Variants in FASLG observed in about 807,000 individuals in gnomAD.
FASLG encodes the protein tumor necrosis factor ligand superfamily member 6.
In FASLG, 9 loss-of-function variants were observed where a neutral mutation model predicts 24.6. The ratio of observed to expected loss-of-function variants is 0.37; its 90% confidence interval spans 0.22 to 0.64. The LOEUF is 0.64. FASLG is among the 30% of genes least tolerant of loss of function. The pLI is 0.64. For synonymous variants in FASLG, 130 were observed against 135.5 expected (o/e 0.96, Z 0.28); for missense variants, 306 against 345.3 (o/e 0.89, Z 0.90).
intron 2 of FASLG, among the ~76,000 whole-genome samples, 171 bp downstream of exon 2, chr1:172,660,311 T>A (rs1659110758): frequency 6.6e-6 from 1 of 152,248 alleles, no homozygotes; most frequent in Admixed American, 6.5e-5. Context: ...GCTTTAAAAA[T>A]GTGAAGTGAA....
At chr1:172,664,261 G>T in intron 2 of FASLG, 73 bp from the exon 3 acceptor site, 1 of 1,482,254 alleles carries the variant, frequency 6.7e-7, no homozygotes, top group Non-Finnish European at 9.3e-7. Flanking sequence ...TAAAATGATT[G>T]GATTTAAATT....
intron 2 of FASLG, 152 bp downstream of exon 2, chr1:172,660,292 C>A: frequency 2.6e-6 from 2 of 775,836 alleles, no homozygotes; most frequent in Admixed American, 2.1e-5. Context: ...GTCTATGATT[C>A]CTTGAGCTGC....
chr1:172,664,225 C>A, intron 2 of FASLG, 109 bp from the exon 3 acceptor site: 2 of 1,137,454 alleles, frequency 1.8e-6, no homozygotes, highest in Non-Finnish European at 2.6e-6. Flanking sequence ...AGACTGTTGC[C>A]ATTTACGGTT....
chr1:172,664,200 T>TGG (rs2101809582), intron 2 of FASLG, 134 bp from the exon 3 acceptor site: 1 of 869,230 alleles, frequency 1.2e-6, no homozygotes, highest in African/African-American at 1.7e-5. Flanking sequence ...CAGACCTACA[T>TGG]GATTAGTATA....
rs757702993 is a variant in FASLG, at chr1:172,659,591, C to G, written c.348+42C>G. 290 of 1,607,248 alleles carry G rather than the reference C, an allele frequency of 1.8e-4. 5 individuals are homozygous for G. In the South Asian group the frequency reaches 3.1e-3, roughly 17 times the overall value. On this transcript the variant is annotated intron_variant, in intron 1 of 3. Coordinates refer to ENST00000367721, the MANE Select transcript of FASLG (RefSeq NM_000639.3). ...ACTGCTGTGCCCTGGAGGCACCAGG[C>G]ATAAGGGGATGGAGGGCCCACTGCC... is the stretch of plus-strand genomic sequence containing the variant.
Position 172,659,377 on chromosome 1 carries a change from C to T in FASLG, c.176C>T (p.Pro59Leu), listed in dbSNP as rs375737004. Residue 59 changes from proline (P) to leucine (L), a missense_variant, in exon 1 of 4, where the codon CCG (proline) becomes CTG (leucine). Pro to Leu is a moderately conservative substitution (Grantham distance 98). Coordinates refer to ENST00000367721, the MANE Select transcript of FASLG (RefSeq NM_000639.3). ...PPPPPLPPPP[P>L]PPPLPPLPLP... ...CCGCCACCACTACCACCTCCGCCGC[C>T]GCCGCCACCACTGCCTCCACTACCG... The T allele has an allele frequency of 2.5e-5, 41 of 1,610,920 alleles. No individual in the cohort carries two copies. The highest frequency in any genetic ancestry group is 8.4e-5 in the Admixed American group (5 of 59,470).
At chr1:172,664,277 C>A (rs1042939495) in intron 2 of FASLG, 57 bp from the exon 3 acceptor site, 53 of 1,556,870 alleles carry the variant, frequency 3.4e-5, no homozygotes, top group Non-Finnish European at 4.5e-5. Flanking sequence ...AAATTCCCAC[C>A]AAAATAATAG....
intron 2 of FASLG, among the ~76,000 whole-genome samples, chr1:172,662,596 C>T (rs1459170543): frequency 6.6e-6 from 1 of 151,752 alleles, no homozygotes; most frequent in Non-Finnish European, 1.5e-5. Flanking sequence ...GGTCAGAAGC[C>T]CGATGAGTGA....
intron 3 of FASLG, among the ~76,000 whole-genome samples, chr1:172,665,304 A>C (rs916671081): frequency 1.3e-5 from 2 of 152,256 alleles, no homozygotes; most frequent in African/African-American, 4.8e-5. Context: ...AAAGGACTTC[A>C]AAGCCTAGCA....
chr1:172,660,416 A>G (rs1170619727), intron 2 of FASLG, among the ~76,000 whole-genome samples: 1 of 152,132 alleles, frequency 6.6e-6, no homozygotes, highest in African/African-American at 2.4e-5. Context: ...ACAACCCTGG[A>G]CCTTTGCCCC....
chr1:172,661,667 G>A (rs1659145043), intron 2 of FASLG, among the ~76,000 whole-genome samples: 1 of 151,910 alleles, frequency 6.6e-6, no homozygotes, highest in Non-Finnish European at 1.5e-5. Flanking sequence ...CCAGAAATTG[G>A]TAAATCATCA....
chr1:172,660,423 C>A (rs1046921798), intron 2 of FASLG, among the ~76,000 whole-genome samples: 1 of 152,142 alleles, frequency 6.6e-6, no homozygotes, highest in Non-Finnish European at 1.5e-5. Flanking sequence ...TGGACCTTTG[C>A]CCCCTGAGAA....
Position 172,665,610 on chromosome 1 carries a change from G to A in FASLG, c.452-12G>A, listed in dbSNP as rs759351686. 2.2e-5 allele frequency: 36 copies of A among 1,610,726 alleles called. No individual in the cohort carries two copies. Among genetic ancestry groups the A allele is most frequent in the Non-Finnish European group, 3.0e-5 (35 of 1,180,000 alleles). On this transcript the variant is annotated splice_polypyrimidine_tract_variant and intron_variant, in intron 3 of 3. Coordinates refer to ENST00000367721, the MANE Select transcript of FASLG (RefSeq NM_000639.3). ...TATTCCTTGTTGAAAGCTCCTTTTG[G>A]ATTTATTTCAGGCAAGTCCAACTCA... is the stretch of plus-strand genomic sequence containing the variant.
rs75945512 is a variant in FASLG at position 172,664,980 on chromosome 1, G to A, written c.451+590G>A. Among the ~76,000 whole-genome samples the A allele has an allele frequency of 7.4e-3, 1,134 of 152,254 alleles. 14 individuals are homozygous for A. The highest frequency in any genetic ancestry group is 0.038 in the East Asian group (197 of 5,188). On this transcript the variant is annotated intron_variant, in intron 3 of 3. Coordinates refer to ENST00000367721, the MANE Select transcript of FASLG (RefSeq NM_000639.3). ...TTAGGCAGAAATTATAGAATGATCC[G>A]GTCACATCAGCAGACACTTACTGAA...
At chr1:172,660,049 A>C in intron 1 of FASLG, 46 bp from the exon 2 acceptor site, 3 of 1,585,254 alleles carry the variant, frequency 1.9e-6, no homozygotes, top group Non-Finnish European at 2.6e-6. Context: ...TTTTGCTTAA[A>C]GAATTTTATT....
intron 3 of FASLG, 71 bp downstream of exon 3, chr1:172,664,461 C>T: frequency 1.4e-6 from 2 of 1,417,976 alleles, no homozygotes; most frequent in African/African-American, 1.4e-5. Context: ...TGCCTGGTTT[C>T]CATTACCAGG....
At chr1:172,660,195 A>G in intron 2 of FASLG, 55 bp downstream of exon 2, 1 of 1,549,380 alleles carries the variant, frequency 6.5e-7, no homozygotes, top group South Asian at 1.1e-5. Flanking sequence ...TCAGCACAGA[A>G]CTATGTTAAT....
chr1:172,660,235 G>A, intron 2 of FASLG, 95 bp downstream of exon 2: 2 of 1,271,610 alleles, frequency 1.6e-6, no homozygotes, highest in Non-Finnish European at 2.3e-6. Context: ...CCCACACTTT[G>A]GTTTCTGTAC....
At chr1:172,664,519 A>G in intron 3 of FASLG, 129 bp downstream of exon 3, 2 of 857,194 alleles carry the variant, frequency 2.3e-6, no homozygotes, top group East Asian at 2.6e-5. Context: ...ACCCAATAAT[A>G]CTAACACTTT....
Sources: gnomAD v4.1 joint callset for allele counts (sites outside exome capture counted in the v4.1 genomes callset) on GRCh38, gnomAD v4.1.1 for gene constraint, MANE v1.5 for transcripts, NCBI Gene and HGNC (gene_info 2026-07-23, HGNC 2026-07-21) for gene names.